Variants in NEURL1B observed in about 807,000 individuals in gnomAD.
NEURL1B encodes the protein neuralized E3 ubiquitin protein ligase 1B, also known as E3 ubiquitin-protein ligase NEURL1B.
A neutral mutation model predicts 37.4 loss-of-function variants in NEURL1B; 13 were observed. That is an observed-to-expected ratio of 0.35 (90% CI 0.23 to 0.55). The LOEUF is 0.55. NEURL1B is among the 20% of genes least tolerant of loss of function. The pLI is 0.89. For synonymous variants in NEURL1B, 432 were observed against 426.6 expected (o/e 1.01, Z -0.16); for missense variants, 790 against 879.2 (o/e 0.90, Z 1.28).
intron 1 of NEURL1B, among the ~76,000 whole-genome samples, chr5:172,643,094 A>T (rs78054399): frequency 0.019 from 2,905 of 152,306 alleles, 86 homozygotes; most frequent in African/African-American, 0.066. Flanking sequence ...AGATTTATGT[A>T]TTCTCCATCC....
At chr5:172,682,034 T>C (rs1386714643) in intron 2 of NEURL1B, among the ~76,000 whole-genome samples, 1 of 152,214 alleles carries the variant, frequency 6.6e-6, no homozygotes, top group Non-Finnish European at 1.5e-5. Flanking sequence ...AAACTATTAA[T>C]AGTGAAGGCT....
intron 3 of NEURL1B, among the ~76,000 whole-genome samples, chr5:172,684,366 C>T (rs1472733520): frequency 1.3e-5 from 2 of 152,136 alleles, no homozygotes; most frequent in African/African-American, 4.8e-5. Context: ...GCCCCGAGAA[C>T]GTGCATTTCC....
Position 172,670,285 on chromosome 5 carries a change from G to T in NEURL1B, c.532G>T (p.Ala178Ser). ...CGTGGCCGTGGGCGGCCCGCTCTGG[G>T]CGCTCATTGATGTCTACGGCATCAC... ...CGVAVGGPLW[A>S]LIDVYGITDE... The change falls in exon 2 of 5, where the codon GCG becomes TCG. Residue 178 changes from alanine (A) to serine (S), a missense_variant. By Grantham distance (99) the Ala-to-Ser change is moderately conservative. Coordinates refer to ENST00000369800, the MANE Select transcript of NEURL1B (RefSeq NM_001142651.3). The T allele has an allele frequency of 7.2e-7, 1 of 1,386,410 alleles. No homozygotes were observed. The highest frequency in any genetic ancestry group is 9.3e-7 in the Non-Finnish European group (1 of 1,074,798). 85.9% of individuals were successfully genotyped at this position (1,386,410 alleles called of 1,614,324 possible).
chr5:172,666,104 G>C (rs1581429539), intron 1 of NEURL1B, among the ~76,000 whole-genome samples: 1 of 152,242 alleles, frequency 6.6e-6, no homozygotes, highest in Admixed American at 6.5e-5. Context: ...GGGGTCTATG[G>C]CTCAGCCCTT....
chr5:172,685,186 CAT>C (rs1758468189), intron 3 of NEURL1B, among the ~76,000 whole-genome samples: 1 of 152,178 alleles, frequency 6.6e-6, no homozygotes, highest in Admixed American at 6.5e-5. Flanking sequence ...AGGATGAAAT[CAT>C]GTGCATATAA....
chr5:172,683,414 C>T lies in NEURL1B; in HGVS notation c.578-5C>T. On this transcript the variant is annotated splice_region_variant and splice_polypyrimidine_tract_variant and intron_variant, in intron 2 of 4. Coordinates refer to ENST00000369800, the MANE Select transcript of NEURL1B (RefSeq NM_001142651.3). The surrounding 1 kb of genome is among the most constrained non-coding windows in gnomAD (Gnocchi z 5.6). ...CCCTCCATGTCCCTCCCTTTGTCCG[C>T]ACAGAGAGCGCCTTCGCTGACACGC... The T allele has an allele frequency of 5.2e-6, 7 of 1,350,838 alleles. No homozygotes were observed. Among genetic ancestry groups the T allele is most frequent in the Non-Finnish European group, 6.7e-6 (7 of 1,045,278 alleles). 83.7% of individuals were successfully genotyped at this position (1,350,838 alleles called of 1,614,324 possible).
In NEURL1B at chr5:172,688,128, C is replaced by T. The variant is rs563746644; in HGVS notation, c.*1203C>T. 1.3e-5 allele frequency: 2 copies of T among 152,744 alleles called. No homozygotes were observed. Among genetic ancestry groups the T allele is most frequent in the Non-Finnish European group, 2.9e-5 (2 of 68,084 alleles). 9.5% of individuals were successfully genotyped at this position (152,744 alleles called of 1,614,324 possible). On this transcript the variant is annotated 3_prime_UTR_variant, in exon 5 of 5. Transcript: ENST00000369800. The surrounding 1 kb of genome is among the most constrained non-coding windows in gnomAD (Gnocchi z 4.3). ...CTGGGACCTTGACCCTGCCCCACCC[C>T]CTCAGCCGTGCCCATCTCTGCAGAC...
At chr5:172,667,703 A>G (rs1302089162) in intron 1 of NEURL1B, among the ~76,000 whole-genome samples, 1 of 152,090 alleles carries the variant, frequency 6.6e-6, no homozygotes, top group Middle Eastern at 3.2e-3. Context: ...TGGCCCCAGC[A>G]TCCTTGCCAC....
At chr5:172,681,951 CTCTT>C (rs1227975708) in intron 2 of NEURL1B, among the ~76,000 whole-genome samples, 4 of 152,210 alleles carry the variant, frequency 2.6e-5, no homozygotes, top group African/African-American at 9.7e-5. Flanking sequence ...ATTTTAATGA[CTCTT>C]TCCTGATGTT....
intron 2 of NEURL1B, among the ~76,000 whole-genome samples, chr5:172,671,636 C>T (rs1038383367): frequency 7.9e-5 from 12 of 152,300 alleles, no homozygotes; most frequent in African/African-American, 1.2e-4. Flanking sequence ...ATCAGTAGTT[C>T]GTTCCTTTTT....
At chr5:172,652,331 A>G (rs1023397294) in intron 1 of NEURL1B, among the ~76,000 whole-genome samples, 2 of 152,252 alleles carry the variant, frequency 1.3e-5, no homozygotes, top group South Asian at 2.1e-4. Context: ...AAAGGTGACA[A>G]TTTGGGCCTC....
Position 172,683,746 on chromosome 5 carries a change from C to T in NEURL1B, c.905C>T (p.Pro302Leu), listed in dbSNP as rs1362391463. 2 of 1,321,842 alleles carry T rather than the reference C, an allele frequency of 1.5e-6. No homozygotes were observed. The highest frequency in any genetic ancestry group is 3.5e-5 in the Admixed American group (1 of 28,322). 81.9% of individuals were successfully genotyped at this position (1,321,842 alleles called of 1,614,324 possible). ...GCCGACCGCAAAGTGGCCTGCGCAC[C>T]GCGGCCCGACGGCGGCCGCACGCTG... ...LSADRKVACA[P>L]RPDGGRTLVF... Residue 302 changes from proline (P) to leucine (L), a missense_variant, in exon 3 of 5, where the codon CCG becomes CTG. Transcript: ENST00000369800. This position sits in a 1 kb window ranked among gnomAD's most constrained non-coding sequence, Gnocchi z 5.6.
rs1399648604 is a variant in NEURL1B at position 172,689,453 on chromosome 5, T to C, written c.*2528T>C. ...GCTGGTCATAAAACACTGTTTTACA[T>C]ACCATAGGGAAAAACGCTGCCAATC... On this transcript the variant is annotated 3_prime_UTR_variant, in exon 5 of 5. Transcript: ENST00000369800. The C allele has an allele frequency of 6.6e-6, 1 of 152,186 alleles. No individual in the cohort carries two copies. The highest frequency in any genetic ancestry group is 1.5e-5 in the Non-Finnish European group (1 of 68,032). 9.4% of individuals were successfully genotyped at this position (152,186 alleles called of 1,614,324 possible).
rs1454105079 is a variant in NEURL1B at position 172,665,132 on chromosome 5, TAATC to T, written c.32-4650_32-4647del. Reference sequence around the variant, plus strand: ...CAGTGATGGGGAGGGGAGATAAAAATAATCAAATAAGGGTGGCCATGGACGCTGG... The same window carrying T: ...CAGTGATGGGGAGGGGAGATAAAAATAAATAAGGGTGGCCATGGACGCTGG... On this transcript the variant is annotated intron_variant, in intron 1 of 4. Coordinates refer to ENST00000369800, the MANE Select transcript of NEURL1B (RefSeq NM_001142651.3). This position sits in a 1 kb window ranked among gnomAD's most constrained non-coding sequence, Gnocchi z 4.1. 7.2e-5 allele frequency among the ~76,000 whole-genome samples: 11 copies of T among 152,284 alleles called. No homozygotes were observed. The highest frequency in any genetic ancestry group is 3.4e-3 in the Middle Eastern group (1 of 294).
At chr5:172,650,209 A>G (rs1366656507) in intron 1 of NEURL1B, among the ~76,000 whole-genome samples, 1 of 152,186 alleles carries the variant, frequency 6.6e-6, no homozygotes, top group Non-Finnish European at 1.5e-5. Flanking sequence ...CTCCATTGCC[A>G]GGTCTGCCTG....
chr5:172,670,278 G>A lies in NEURL1B; in HGVS notation c.525G>A (p.Pro175=). The change falls in exon 2 of 5, where the codon CCG becomes CCA. Residue 175 remains proline, a synonymous_variant. Transcript: ENST00000369800. ...ACTGCGGCGTGGCCGTGGGCGGCCC[G>A]CTCTGGGCGCTCATTGATGTCTACG... is the stretch of plus-strand genomic sequence containing the variant. ...LFHCGVAVGG[P]LWALIDVYGI... 1.4e-6 allele frequency: 2 copies of A among 1,386,746 alleles called. No homozygotes were observed. The highest frequency in any genetic ancestry group is 3.7e-5 in the Admixed American group (1 of 27,240). The allele number at this position is 1,386,746 out of a possible 1,614,324, so 85.9% of individuals were successfully genotyped here.
chr5:172,678,690 C>CG (rs1352081627), intron 2 of NEURL1B, among the ~76,000 whole-genome samples: 2 of 152,162 alleles, frequency 1.3e-5, no homozygotes, highest in Admixed American at 6.5e-5. Context: ...GCCAGTAACC[C>CG]GGTGTCATTC....
At position 172,688,527 on chromosome 5, in the gene NEURL1B, C is replaced by T. The variant is rs1758559986; in HGVS notation, c.*1602C>T. On this transcript the variant is annotated 3_prime_UTR_variant, in exon 5 of 5. Transcript: ENST00000369800. The surrounding 1 kb of genome is among the most constrained non-coding windows in gnomAD (Gnocchi z 4.3). ...GAGCAAAGCTGGGCCAGGCCTTCAC[C>T]AGATCAAGCCCCACAGACCAGCTGG... is the stretch of plus-strand genomic sequence containing the variant. 1 of 152,258 alleles carries T rather than the reference C, an allele frequency of 6.6e-6. No individual in the cohort carries two copies. The highest frequency in any genetic ancestry group is 2.4e-5 in the African/African-American group (1 of 41,444). The allele number at this position is 152,258 out of a possible 1,614,324, so 9.4% of individuals were successfully genotyped here. A position where few individuals can be genotyped will look rare whatever the true frequency, so the allele number is the denominator to read the frequency against.
In NEURL1B at chr5:172,670,090, G is replaced by A. The variant is rs968583378; in HGVS notation, c.337G>A (p.Asp113Asn). Residue 113 changes from aspartate to asparagine, a missense_variant, in exon 2 of 5, where the codon GAC (aspartate) becomes AAC (asparagine). Coordinates refer to ENST00000369800, the MANE Select transcript of NEURL1B (RefSeq NM_001142651.3). ...AHDPSLMSAQ[D>N]IPKYACPDLV... ...CGATCCGTCGCTCATGAGCGCCCAG[G>A]ACATCCCCAAGTACGCCTGCCCGGA... 2.6e-6 allele frequency: 4 copies of A among 1,525,944 alleles called. No homozygotes were observed. The highest frequency in any genetic ancestry group is 3.5e-6 in the Non-Finnish European group (4 of 1,142,300). The allele number at this position is 1,525,944 out of a possible 1,614,324, so 94.5% of individuals were successfully genotyped here. A position where few individuals can be genotyped will look rare whatever the true frequency, so the allele number is the denominator to read the frequency against.
Sources: gnomAD v4.1 joint callset for allele counts (sites outside exome capture counted in the v4.1 genomes callset) on GRCh38, gnomAD v4.1.1 for gene constraint, Gnocchi (gnomAD v3.1) non-coding constraint, MANE v1.5 for transcripts, NCBI Gene and HGNC (gene_info 2026-07-23, HGNC 2026-07-21) for gene names.